Variants in ACSL3 observed in about 807,000 individuals in gnomAD.
ACSL3 encodes fatty acid CoA ligase Acsl3.
In ACSL3, 34 loss-of-function variants were observed where a neutral mutation model predicts 84.7. That is an observed-to-expected ratio of 0.40 (90% confidence interval 0.31 to 0.53). ACSL3 has a LOEUF of 0.53. Among genes scored for constraint, ACSL3 ranks in the 20% least tolerant of loss-of-function variants. The pLI, the probability that ACSL3 is intolerant of heterozygous loss-of-function variation, is 0.48. For missense variants in ACSL3, 680 were observed against 873.1 expected (o/e 0.78, Z 2.79); for synonymous variants, 315 against 299.4 (o/e 1.05, Z -0.54).
At chr2:222,941,214 G>A (rs1697296678) in intron 16 of ACSL3, among the ~76,000 whole-genome samples, 1 of 152,146 alleles carries the variant, frequency 6.6e-6, no homozygotes, top group Non-Finnish European at 1.5e-5. Context: ...ACAGGCATGA[G>A]CCATCATGCC....
At chr2:222,866,238 C>T (rs1489779624) in intron 1 of ACSL3, among the ~76,000 whole-genome samples, 4 of 152,076 alleles carry the variant, frequency 2.6e-5, no homozygotes, top group South Asian at 2.1e-4. Context: ...CTCCGCTTCC[C>T]GGGTTCACGC....
intron 2 of ACSL3, among the ~76,000 whole-genome samples, chr2:222,891,338 A>G (rs560853256): frequency 6.6e-6 from 1 of 152,348 alleles, no homozygotes; most frequent in African/African-American, 2.4e-5. Context: ...TTAATGGTGA[A>G]CAAATTAAGA....
At chr2:222,936,953 C>G (rs1186186118) in intron 16 of ACSL3, among the ~76,000 whole-genome samples, 1 of 152,096 alleles carries the variant, frequency 6.6e-6, no homozygotes, top group Non-Finnish European at 1.5e-5. Flanking sequence ...CATGGAGAAA[C>G]CGCACCCATG....
chr2:222,881,490 C>T (rs937865659), intron 1 of ACSL3, among the ~76,000 whole-genome samples: 5 of 152,178 alleles, frequency 3.3e-5, no homozygotes, highest in African/African-American at 1.2e-4. Flanking sequence ...ATAAGATGTT[C>T]CTTTAAAACT....
At chr2:222,885,200 G>A (rs1239538138) in intron 1 of ACSL3, among the ~76,000 whole-genome samples, 1 of 152,250 alleles carries the variant, frequency 6.6e-6, no homozygotes, top group African/African-American at 2.4e-5. Flanking sequence ...ATAAAGTAGG[G>A]TAAAGTAAGC....
At chr2:222,910,760 G>A (rs1226338391) in intron 4 of ACSL3, among the ~76,000 whole-genome samples, 6 of 152,172 alleles carry the variant, frequency 3.9e-5, no homozygotes, top group Non-Finnish European at 8.8e-5. Context: ...TATACTTGTT[G>A]CTGTGACATT....
At chr2:222,926,674 T>C (rs1696882156) in intron 11 of ACSL3, among the ~76,000 whole-genome samples, 2 of 152,174 alleles carry the variant, frequency 1.3e-5, no homozygotes, top group Non-Finnish European at 2.9e-5. Flanking sequence ...ATAAAGATGA[T>C]AGAATTGTTC....
chr2:222,918,954 T>G (rs1312885152), intron 6 of ACSL3, 110 bp from the exon 7 acceptor site: 1 of 1,350,116 alleles, frequency 7.4e-7, no homozygotes, highest in East Asian at 2.4e-5. Flanking sequence ...CTTCTTTCTT[T>G]TTTGAGGCAA....
intron 1 of ACSL3, among the ~76,000 whole-genome samples, chr2:222,877,253 A>C (rs142047189): frequency 8.9e-4 from 136 of 152,316 alleles, no homozygotes; most frequent in African/African-American, 3.0e-3. Flanking sequence ...TATGGTTAAG[A>C]GTAGTTTTGG....
At chr2:222,878,227 A>G (rs377377763) in intron 1 of ACSL3, among the ~76,000 whole-genome samples, 8 of 152,220 alleles carry the variant, frequency 5.3e-5, no homozygotes, top group African/African-American at 1.7e-4. Context: ...AAGGCCAAAA[A>G]TCTCATATCA....
At chr2:222,876,678 A>G (rs1320654144) in intron 1 of ACSL3, among the ~76,000 whole-genome samples, 1 of 152,164 alleles carries the variant, frequency 6.6e-6, no homozygotes, top group Non-Finnish European at 1.5e-5. Flanking sequence ...AGAATATAAA[A>G]TAGTATTTAT....
rs778031337 is a variant in ACSL3 at position 222,924,545 on chromosome 2, T to C, written c.1242T>C (p.Asn414=). The change falls in exon 11 of 17, where the codon AAT becomes AAC. Residue 414 remains asparagine, a synonymous_variant. Coordinates refer to ENST00000357430, the MANE Select transcript of ACSL3 (RefSeq NM_004457.5). The part of the protein sequence containing the change: ...FQRNLFILAY[N]YKMEQISKGR... ...GTAATCTGTTTATTCTGGCCTATAA[T>C]TACAAAATGGAACAGATTTCAAAAG... The C allele has an allele frequency of 3.1e-6, 5 of 1,610,740 alleles. No individual in the cohort carries two copies. In the South Asian group the frequency reaches 5.6e-5, roughly 18 times the overall value.
chr2:222,910,236 C>T (rs561188064), intron 4 of ACSL3, among the ~76,000 whole-genome samples: 1 of 152,096 alleles, frequency 6.6e-6, no homozygotes, highest in Admixed American at 6.5e-5. Flanking sequence ...GTGAGAATGC[C>T]GTTTATGAAC....
At chr2:222,933,102 G>A in intron 14 of ACSL3, 64 bp from the exon 15 acceptor site, 5 of 957,658 alleles carry the variant, frequency 5.2e-6, no homozygotes, top group Non-Finnish European at 8.1e-6. Context: ...ATTTATATAT[G>A]TATTAAATGT....
intron 14 of ACSL3, among the ~76,000 whole-genome samples, chr2:222,932,166 C>T (rs1376781474): frequency 6.6e-6 from 1 of 152,124 alleles, no homozygotes; most frequent in Admixed American, 6.5e-5. Context: ...TGAAGTAATA[C>T]GTTTTTGCAT....
intron 1 of ACSL3, among the ~76,000 whole-genome samples, chr2:222,871,321 T>G (rs899991654): frequency 6.6e-6 from 1 of 151,988 alleles, no homozygotes; most frequent in African/African-American, 2.4e-5. Flanking sequence ...AAATGCGAAG[T>G]GGGATAGCTG....
At chr2:222,913,470 T>C (rs1250594215) in intron 4 of ACSL3, among the ~76,000 whole-genome samples, 1 of 152,172 alleles carries the variant, frequency 6.6e-6, no homozygotes, top group African/African-American at 2.4e-5. Flanking sequence ...TCCCTCTCCT[T>C]TCATCCTATT....
At chr2:222,894,525 G>A (rs1440694595) in intron 2 of ACSL3, among the ~76,000 whole-genome samples, 1 of 152,120 alleles carries the variant, frequency 6.6e-6, no homozygotes, top group East Asian at 1.9e-4. Context: ...GTAGTAATAG[G>A]TCATTTTCTT....
intron 12 of ACSL3, 126 bp from the exon 13 acceptor site, chr2:222,928,736 C>T: frequency 2.4e-6 from 2 of 823,236 alleles, no homozygotes; most frequent in Non-Finnish European, 1.9e-6. Flanking sequence ...TATGTGACTT[C>T]TGCTTTTAAG....
Sources: gnomAD v4.1 joint callset for allele counts (sites outside exome capture counted in the v4.1 genomes callset) on GRCh38, gnomAD v4.1.1 for gene constraint, MANE v1.5 for transcripts, NCBI Gene and HGNC (gene_info 2026-07-23, HGNC 2026-07-21) for gene names.